Variants in PTPN14 observed in about 807,000 individuals in gnomAD.
PTPN14 encodes the protein tyrosine-protein phosphatase non-receptor type 14.
A neutral mutation model predicts 126.8 loss-of-function variants in PTPN14; 53 were observed. The observed-to-expected ratio is 0.42, with a 90% CI of 0.34 to 0.53. The LOEUF (loss-of-function observed/expected upper bound fraction) is 0.53. PTPN14 is among the 20% of genes least tolerant of loss of function. The pLI is 0.08. For missense variants in PTPN14, 1,257 were observed against 1,552.9 expected (o/e 0.81, Z 3.20); for synonymous variants, 630 against 599.3 (o/e 1.05, Z -0.75).
At chr1:214,365,668 G>C (rs1658063703) in intron 17 of PTPN14, among the ~76,000 whole-genome samples, 1 of 152,136 alleles carries the variant, frequency 6.6e-6, no homozygotes, top group African/African-American at 2.4e-5. Context: ...CAAAGCACCT[G>C]TTTACAGACA....
chr1:214,439,936 C>T (rs1421759701), intron 3 of PTPN14, among the ~76,000 whole-genome samples: 1 of 152,238 alleles, frequency 6.6e-6, no homozygotes, highest in Non-Finnish European at 1.5e-5. Flanking sequence ...GCCTGTTTCC[C>T]TCTACCCTTT....
At chr1:214,532,924 G>C in intron 1 of PTPN14, 1 of 841,156 alleles carries the variant, frequency 1.2e-6, no homozygotes, top group Non-Finnish European at 2.0e-6. Flanking sequence ...CACGATCATG[G>C]CAGACATCTG....
intron 1 of PTPN14, among the ~76,000 whole-genome samples, chr1:214,496,871 A>G (rs1654529331): frequency 6.6e-6 from 1 of 152,254 alleles, no homozygotes; most frequent in African/African-American, 2.4e-5. Context: ...AAAGGAAAAG[A>G]AATAAAGTTC....
chr1:214,403,618 C>T (rs1218832877), intron 5 of PTPN14, among the ~76,000 whole-genome samples: 2 of 152,182 alleles, frequency 1.3e-5, no homozygotes, highest in Non-Finnish European at 2.9e-5. Context: ...ACATCTTTTC[C>T]CAACTACCCT....
intron 1 of PTPN14, chr1:214,482,904 A>G: frequency 6.3e-7 from 1 of 1,593,324 alleles, no homozygotes; most frequent in Non-Finnish European, 8.6e-7. Context: ...TACAGCTGAT[A>G]CAGCACAGGC....
rs1337419750 is a variant in PTPN14, at chr1:214,402,923, C to T, written c.541G>A (p.Glu181Lys). 3.1e-6 allele frequency: 5 copies of T among 1,613,976 alleles called. No individual in the cohort carries two copies. The highest frequency in any genetic ancestry group is 1.7e-5 in the Admixed American group (1 of 60,002). Residue 181 changes from glutamate to lysine, a missense_variant, in exon 6 of 19, where the codon GAG becomes AAG. Around this residue, in one of 3 missense-constraint regions of PTPN14, gnomAD observed 1,021 missense variants for 1,183.3 expected, o/e 0.86. Coordinates refer to ENST00000366956, the MANE Select transcript of PTPN14 (RefSeq NM_005401.5). ...TCTTGGGCTACCTTCTGGGTCAGCT[C>T]CTCCAGAACAGCCTCTTCCAGGGCC... ...DLALEEAVLEELTQKVAQEHK... is the reference protein window; with the variant it reads ...DLALEEAVLEKLTQKVAQEHK...
At chr1:214,428,247 G>A (rs547979447) in intron 3 of PTPN14, among the ~76,000 whole-genome samples, 3 of 152,306 alleles carry the variant, frequency 2.0e-5, no homozygotes, top group Admixed American at 6.5e-5. Context: ...GGCTGGATGT[G>A]GTGTATGGGA....
chr1:214,365,226 G>A (rs1391537916), intron 17 of PTPN14, among the ~76,000 whole-genome samples: 1 of 152,170 alleles, frequency 6.6e-6, no homozygotes, highest in African/African-American at 2.4e-5. Flanking sequence ...TTTTCAGCAT[G>A]GATTCCACGG....
chr1:214,426,769 AT>A (rs1659673580), intron 3 of PTPN14, among the ~76,000 whole-genome samples: 1 of 152,190 alleles, frequency 6.6e-6, no homozygotes, highest in Admixed American at 6.5e-5. Context: ...ATAGGAGCGC[AT>A]TAAATGTCTC....
chr1:214,370,093 A>C (rs1658181215), intron 16 of PTPN14, among the ~76,000 whole-genome samples: 1 of 152,168 alleles, frequency 6.6e-6, no homozygotes. Flanking sequence ...ATCCTGGCTA[A>C]CATGGTGAAA....
At chr1:214,426,417 A>G (rs11120319) in intron 3 of PTPN14, among the ~76,000 whole-genome samples, 12,018 of 152,186 alleles carry the variant, frequency 0.079, 544 homozygotes, top group Middle Eastern at 0.13. Flanking sequence ...ATCATTTTGA[A>G]CATCCTTTCT....
intron 10 of PTPN14, among the ~76,000 whole-genome samples, chr1:214,392,542 C>A (rs899721764): frequency 6.6e-6 from 1 of 151,958 alleles, no homozygotes; most frequent in Admixed American, 6.6e-5. Context: ...TCAAAGACAC[C>A]CCCAGAAGTC....
chr1:214,521,235 G>A (rs564762291), intron 1 of PTPN14, among the ~76,000 whole-genome samples: 7 of 152,158 alleles, frequency 4.6e-5, no homozygotes, highest in Non-Finnish European at 4.4e-5. Flanking sequence ...ATGCATACAC[G>A]AGTATGCTGT....
intron 17 of PTPN14, among the ~76,000 whole-genome samples, chr1:214,366,728 C>T (rs901196328): frequency 6.6e-6 from 1 of 152,044 alleles, no homozygotes; most frequent in Admixed American, 6.6e-5. Flanking sequence ...ATGTATTGGC[C>T]GGGCGCGGTG....
At chr1:214,377,835 C>T in intron 14 of PTPN14, 124 bp downstream of exon 14, 2 of 1,222,382 alleles carry the variant, frequency 1.6e-6, no homozygotes, top group Admixed American at 4.4e-5. Context: ...CCTGATCTTC[C>T]TAATCTCAGA....
At position 214,378,074 on chromosome 1, in the gene PTPN14, A is replaced by G. The variant is rs139365653; in HGVS notation, c.2573T>C (p.Leu858Pro). Residue 858 changes from leucine (L) to proline (P), a missense_variant, in exon 14 of 19, where the codon CTG (leucine) becomes CCG (proline). Leu to Pro is a moderately conservative substitution (Grantham distance 98, BLOSUM62 -3). Around this residue, in one of 3 missense-constraint regions of PTPN14, gnomAD observed 1,021 missense variants for 1,183.3 expected, o/e 0.86. Transcript: ENST00000366956. ...RNLEKQKMAG[L>P]EAQKRPLMLA... ...CATCAGCGGCCTCTTCTGTGCCTCC[A>G]GGCCTGCCATCTTCTGCTTCTCTAG... The G allele has an allele frequency of 6.2e-6, 10 of 1,611,044 alleles. No homozygotes were observed. The highest frequency in any genetic ancestry group is 8.5e-6 in the Non-Finnish European group (10 of 1,179,724).
chr1:214,407,986 C>A (rs1306149601), intron 5 of PTPN14, among the ~76,000 whole-genome samples: 1 of 150,034 alleles, frequency 6.7e-6, no homozygotes, highest in Non-Finnish European at 1.5e-5. Context: ...CCAGGCCACA[C>A]TGCCTCTGCT....
chr1:214,374,307 G>GA (rs1385425943), intron 15 of PTPN14, among the ~76,000 whole-genome samples: 2 of 152,188 alleles, frequency 1.3e-5, no homozygotes, highest in African/African-American at 4.8e-5. Context: ...AAGCTGGCAA[G>GA]AAAAATCCAT....
chr1:214,540,194 AG>A (rs1389912956), intron 1 of PTPN14, among the ~76,000 whole-genome samples: 17 of 152,224 alleles, frequency 1.1e-4, no homozygotes, highest in African/African-American at 4.1e-4. Context: ...TTAAACACAC[AG>A]GGAGTCTAAA....
Sources: gnomAD v4.1 joint callset for allele counts (sites outside exome capture counted in the v4.1 genomes callset) on GRCh38, gnomAD v4.1.1 for gene constraint, gnomAD v4.1.1 regional missense constraint, MANE v1.5 for transcripts, NCBI Gene and HGNC (gene_info 2026-07-23, HGNC 2026-07-21) for gene names.